The following EHMT1 variants were observed in gnomAD, a reference collection of about 807,000 sequenced individuals.
The protein encoded by EHMT1 is euchromatic histone lysine methyltransferase 1.
In EHMT1, 15 loss-of-function variants were observed where a neutral mutation model predicts 147.2. The observed-to-expected ratio is 0.10, with a 90% CI of 0.07 to 0.16. The LOEUF (loss-of-function observed/expected upper bound fraction) is 0.16, where lower values mean the gene tolerates loss of function less well. Ranked by LOEUF, EHMT1 falls within the 10% of genes least tolerant of loss-of-function variation. The pLI is 1.00. For missense variants in EHMT1, 1,587 were observed against 1,772.4 expected (o/e 0.90, Z 1.88); for synonymous variants, 795 against 709.6 (o/e 1.12, Z -1.91).
chr9:137,708,632 C>A (rs554090471), intron 1 of EHMT1, among the ~76,000 whole-genome samples: 1 of 152,340 alleles, frequency 6.6e-6, no homozygotes, highest in African/African-American at 2.4e-5. Context: ...GGGACAGATA[C>A]ACATTTACAT....
chr9:137,718,776 G>A (rs1419067209), intron 3 of EHMT1, among the ~76,000 whole-genome samples: 1 of 137,184 alleles, frequency 7.3e-6, no homozygotes, highest in Non-Finnish European at 1.5e-5. Flanking sequence ...TTTTTTTTGA[G>A]ACGGAGTCTT....
At chr9:137,712,052 G>A (rs761969538) in intron 2 of EHMT1, among the ~76,000 whole-genome samples, 12 of 152,252 alleles carry the variant, frequency 7.9e-5, no homozygotes, top group South Asian at 2.1e-4. Flanking sequence ...ACCCCTAGCC[G>A]GCCCTCCAGG....
At chr9:137,814,573 A>C in intron 22 of EHMT1, 65 bp downstream of exon 22, 1 of 1,554,624 alleles carries the variant, frequency 6.4e-7, no homozygotes, top group South Asian at 1.1e-5. Flanking sequence ...CTGCAAAAAC[A>C]GTGCAGGCGT....
chr9:137,817,676 A>G (rs750145939), intron 24 of EHMT1, 151 bp downstream of exon 24: 1 of 980,692 alleles, frequency 1.0e-6, no homozygotes, highest in Non-Finnish European at 1.6e-6. Context: ...TGGCCCCGAG[A>G]ACCAAGCTCG....
In EHMT1 at chr9:137,782,388, G is replaced by A. The variant is rs557577192; in HGVS notation, c.2373G>A (p.Met791Ile). 6.2e-7 allele frequency: 1 copy of A among 1,610,092 alleles called. No homozygotes were observed. The highest frequency in any genetic ancestry group is 2.2e-5 in the East Asian group (1 of 44,810). ...CTGGACACGTGGACATCTGCCACAT[G>A]CTGGTTCAGGTGCGGCGGCACGGCG... ...AEAGHVDICH[M>I]LVQAGANIDT... Residue 791 changes from methionine (M) to isoleucine (I), a missense_variant, in exon 15 of 27, where the codon ATG becomes ATA. Physicochemically the swap from Met to Ile is conservative, Grantham distance 10. Transcript: ENST00000460843. This position sits in a 1 kb window ranked among gnomAD's most constrained non-coding sequence, Gnocchi z 5.7.
At chr9:137,677,623 C>A (rs989065114) in intron 1 of EHMT1, among the ~76,000 whole-genome samples, 19 of 151,932 alleles carry the variant, frequency 1.3e-4, no homozygotes, top group African/African-American at 4.6e-4. Flanking sequence ...GACGGGGTTT[C>A]ATCGTGTTAG....
intron 15 of EHMT1, chr9:137,789,095 T>A (rs1952276244): frequency 6.6e-6 from 1 of 152,478 alleles, no homozygotes; most frequent in Non-Finnish European, 1.5e-5. Flanking sequence ...TCCTTCTGCT[T>A]ACCCGGGTCC....
intron 1 of EHMT1, among the ~76,000 whole-genome samples, chr9:137,702,142 C>T (rs932256945): frequency 6.6e-6 from 1 of 152,070 alleles, no homozygotes. Flanking sequence ...GTTGGTCAGG[C>T]TGGTCTCAAA....
chr9:137,651,389 T>A (rs1194631068), intron 1 of EHMT1, among the ~76,000 whole-genome samples: 1 of 152,250 alleles, frequency 6.6e-6, no homozygotes, highest in East Asian at 1.9e-4. Context: ...GTTTTAGCTC[T>A]TTTAATTAGA....
intron 25 of EHMT1, among the ~76,000 whole-genome samples, chr9:137,827,845 G>A (rs936345023): frequency 4.1e-5 from 6 of 146,974 alleles, no homozygotes; most frequent in Non-Finnish European, 7.4e-5. Context: ...GTGCTTGCCC[G>A]AAACCTAGGT....
chr9:137,670,449 C>G (rs930281308), intron 1 of EHMT1, among the ~76,000 whole-genome samples: 3 of 152,156 alleles, frequency 2.0e-5, no homozygotes, highest in Admixed American at 2.0e-4. Context: ...CCCCTCCCCC[C>G]GGTGCTGGGT....
At chr9:137,806,953 T>G (rs1177641210) in intron 18 of EHMT1, among the ~76,000 whole-genome samples, 1 of 152,224 alleles carries the variant, frequency 6.6e-6, no homozygotes, top group African/African-American at 2.4e-5. Flanking sequence ...AAAATGTTTT[T>G]TCTGTATCTC....
intron 19 of EHMT1, among the ~76,000 whole-genome samples, chr9:137,812,428 T>C (rs1954568352): frequency 6.6e-6 from 1 of 151,910 alleles, no homozygotes; most frequent in Non-Finnish European, 1.5e-5. Flanking sequence ...TGGGATGGAG[T>C]GTGTGTTTGG....
chr9:137,633,420 TA>T (rs1289139984), intron 1 of EHMT1, among the ~76,000 whole-genome samples: 1 of 152,138 alleles, frequency 6.6e-6, no homozygotes, highest in Admixed American at 6.6e-5. Context: ...TTCCCCATCA[TA>T]AAAATTACTG....
chr9:137,676,876 G>T (rs1941399540), intron 1 of EHMT1, among the ~76,000 whole-genome samples: 1 of 150,036 alleles, frequency 6.7e-6, no homozygotes, highest in African/African-American at 2.5e-5. Context: ...ACTCCATCCC[G>T]CTTTGCTGAG....
chr9:137,619,127 C>A, intron 1 of EHMT1, 78 bp downstream of exon 1: 1 of 344,860 alleles, frequency 2.9e-6, no homozygotes, highest in Non-Finnish European at 4.0e-6. Flanking sequence ...AAGAACCGGG[C>A]GGGGCGGCGG....
intron 1 of EHMT1, among the ~76,000 whole-genome samples, chr9:137,661,712 C>T (rs1259187991): frequency 6.6e-6 from 1 of 152,070 alleles, no homozygotes; most frequent in African/African-American, 2.4e-5. Context: ...TCTCAAACTC[C>T]TGACTTCAGG....
Position 137,813,211 on chromosome 9 carries a change from C to T in EHMT1, c.3035+38C>T, listed in dbSNP as rs775231486. The T allele has an allele frequency of 2.2e-5, 36 of 1,600,724 alleles. No homozygotes were observed. The highest frequency in any genetic ancestry group is 1.8e-4 in the South Asian group (16 of 90,796). On this transcript the variant is annotated intron_variant, in intron 20 of 26. Coordinates refer to ENST00000460843, the MANE Select transcript of EHMT1 (RefSeq NM_024757.5). The surrounding 1 kb of genome is among the most constrained non-coding windows in gnomAD (Gnocchi z 4.9). ...CCAGGACGGCTTTGTGGCAAATCAG[C>T]GGTCAGCAGGGCTTTGGGAACTTGC...
chr9:137,807,618 C>T (rs1439376765), intron 18 of EHMT1, among the ~76,000 whole-genome samples: 3 of 152,078 alleles, frequency 2.0e-5, no homozygotes, highest in Admixed American at 2.0e-4. Context: ...AGCCATTCTC[C>T]TGCCTCAGCC....
Sources: allele counts gnomAD v4.1 joint callset (sites outside exome capture counted in the v4.1 genomes callset), GRCh38; gene constraint gnomAD v4.1.1; non-coding constraint Gnocchi (gnomAD v3.1); transcripts MANE v1.5; gene names NCBI Gene and HGNC (gene_info 2026-07-23, HGNC 2026-07-21).